Variants in SPATA13 observed in about 807,000 individuals in gnomAD.
SPATA13 encodes spermatogenesis associated 13.
In SPATA13, 50 loss-of-function variants were observed where a neutral mutation model predicts 104.0. That is an observed-to-expected ratio of 0.48 (90% CI 0.38 to 0.61). The LOEUF is 0.61. SPATA13 is among the 20% of genes least tolerant of loss of function. SPATA13 has a pLI of 0.00. For missense variants in SPATA13, 1,524 were observed against 1,690.6 expected (o/e 0.90, Z 1.73); for synonymous variants, 606 against 667.5 (o/e 0.91, Z 1.42).
chr13:24,001,750 T>G (rs964211978), intron 2 of SPATA13, among the ~76,000 whole-genome samples: 2 of 151,316 alleles, frequency 1.3e-5, no homozygotes, highest in African/African-American at 4.9e-5. Flanking sequence ...GAGAACCTGA[T>G]GGGTTGAAGA....
chr13:24,122,491 C>A (rs1205473193), intron 3 of SPATA13: 17 of 1,607,814 alleles, frequency 1.1e-5, no homozygotes, highest in Non-Finnish European at 1.4e-5. Context: ...ATATTCTTGC[C>A]CATCTTCATC....
chr13:24,136,058 C>A (rs1881554489), intron 3 of SPATA13, among the ~76,000 whole-genome samples: 1 of 152,192 alleles, frequency 6.6e-6, no homozygotes, highest in Non-Finnish European at 1.5e-5. Context: ...AGAATTTGCT[C>A]AGAGAGCATG....
At chr13:24,058,324 T>A (rs1405095234) in intron 3 of SPATA13, among the ~76,000 whole-genome samples, 1 of 151,858 alleles carries the variant, frequency 6.6e-6, no homozygotes, top group Non-Finnish European at 1.5e-5. Context: ...CCTGATTCAG[T>A]CACTGTTTAA....
chr13:24,290,876 G>A lies in SPATA13; in HGVS notation c.3072G>A (p.Gln1024=). The A allele has an allele frequency of 1.2e-6, 2 of 1,613,870 alleles. No individual in the cohort carries two copies. Among genetic ancestry groups the A allele is most frequent in the South Asian group, 1.1e-5 (1 of 91,064 alleles). The change falls in exon 9 of 13, where the codon CAG becomes CAA. Residue 1024 remains glutamine (Q), a synonymous_variant. Transcript: ENST00000382108. ...QLAELLKYTT[Q]EHGDYSNIKA... ...CCGAGCTGCTCAAGTATACCACACA[G>A]GAACACGGGTGAGGGGCATGGGTAA...
At chr13:24,207,713 G>A (rs1165000282) in intron 1 of SPATA13, among the ~76,000 whole-genome samples, 1 of 152,192 alleles carries the variant, frequency 6.6e-6, no homozygotes, top group East Asian at 1.9e-4. Context: ...GATAAACTAT[G>A]CAACTGTAAA....
chr13:24,048,068 C>T (rs903400239), intron 3 of SPATA13, among the ~76,000 whole-genome samples: 2 of 152,216 alleles, frequency 1.3e-5, no homozygotes, highest in African/African-American at 2.4e-5. Flanking sequence ...GATTGGCCAA[C>T]GCCTCCCACA....
intron 2 of SPATA13, among the ~76,000 whole-genome samples, chr13:24,008,761 C>T (rs1163101361): frequency 6.6e-6 from 1 of 152,094 alleles, no homozygotes; most frequent in African/African-American, 2.4e-5. Flanking sequence ...CCCTGTCCAC[C>T]CCCATGTACT....
upstream of SPATA13, among the ~76,000 whole-genome samples, chr13:24,158,868 G>A (rs1882344734): frequency 6.6e-6 from 1 of 152,188 alleles, no homozygotes; most frequent in Non-Finnish European, 1.5e-5. Context: ...CCTCAAGGAT[G>A]CGGGGGTCTT....
Position 24,259,804 on chromosome 13 carries a change from G to GTAT in SPATA13, c.2164+7956_2164+7958dup, listed in dbSNP as rs1377477034. On this transcript the variant is annotated intron_variant, in intron 4 of 12. Transcript: ENST00000382108. ...TTTCTGAATTGGATTTTATTTTATT[G>GTAT]TATTATTATTATTATTTTAGATTTT... Among the ~76,000 whole-genome samples the GTAT allele has an allele frequency of 3.3e-5, 5 of 152,062 alleles. No homozygotes were observed. The East Asian group carries it at 9.7e-4, about 29-fold the overall frequency.
chr13:24,302,443 C>CAG (rs1877252776), intron 12 of SPATA13, 155 bp from the exon 13 acceptor site: 1 of 551,724 alleles, frequency 1.8e-6, no homozygotes, highest in Non-Finnish European at 2.9e-6. Flanking sequence ...GCCTGGGTGA[C>CAG]AGTAAGACCC....
At chr13:24,141,640 T>G (rs1413770887) in intron 3 of SPATA13, among the ~76,000 whole-genome samples, 1 of 152,156 alleles carries the variant, frequency 6.6e-6, no homozygotes, top group Non-Finnish European at 1.5e-5. Flanking sequence ...AGGGCACGAG[T>G]CATGTTCATC....
chr13:24,078,628 C>G (rs1424814382), intron 3 of SPATA13, among the ~76,000 whole-genome samples: 1 of 152,196 alleles, frequency 6.6e-6, no homozygotes, highest in Non-Finnish European at 1.5e-5. Context: ...TGTTGTTACT[C>G]TCAGTCTAGA....
At chr13:24,267,120 A>T (rs1438022727) in intron 4 of SPATA13, among the ~76,000 whole-genome samples, 1 of 152,058 alleles carries the variant, frequency 6.6e-6, no homozygotes. Flanking sequence ...CTTCTTCCAA[A>T]ACTATCTTAG....
At chr13:24,299,674 G>A (rs1877044313) in intron 11 of SPATA13, among the ~76,000 whole-genome samples, 1 of 152,202 alleles carries the variant, frequency 6.6e-6, no homozygotes, top group African/African-American at 2.4e-5. Flanking sequence ...CAGGGCCTGG[G>A]TCAGCTCTGC....
intron 1 of SPATA13, among the ~76,000 whole-genome samples, chr13:24,207,404 T>C (rs1870763951): frequency 6.6e-6 from 1 of 152,188 alleles, no homozygotes; most frequent in South Asian, 2.1e-4. Flanking sequence ...AAATAAAATC[T>C]GTTCCAGTCC....
intron 1 of SPATA13, among the ~76,000 whole-genome samples, chr13:24,185,818 C>CAGAG (rs71070657): frequency 1.5e-4 from 22 of 149,188 alleles, no homozygotes; most frequent in African/African-American, 3.2e-4. Context: ...CATCAAGAGA[C>CAGAG]AGAGAGAGAG....
In SPATA13 at chr13:24,088,587, T is replaced by A. The variant is rs1388731931; in HGVS notation, c.-112+70886T>A. 3.9e-5 allele frequency among the ~76,000 whole-genome samples: 6 copies of A among 152,138 alleles called. No individual in the cohort carries two copies. Among genetic ancestry groups the A allele is most frequent in the Admixed American group, 3.9e-4 (6 of 15,278 alleles). Reference sequence around the variant, plus strand: ...GTGGCAACTGCACTCATTTTTAAAATGACATAATAAACACATCTCTTTAAC... The same window carrying A: ...GTGGCAACTGCACTCATTTTTAAAAAGACATAATAAACACATCTCTTTAAC... On this transcript the variant is annotated intron_variant, in intron 3 of 14. Coordinates refer to the SPATA13 transcript ENST00000424834. The surrounding 1 kb of genome is among the most constrained non-coding windows in gnomAD (Gnocchi z 4.3).
intron 1 of SPATA13, among the ~76,000 whole-genome samples, chr13:23,982,791 A>T (rs1456076982): frequency 6.6e-6 from 1 of 152,240 alleles, no homozygotes; most frequent in Non-Finnish European, 1.5e-5. Flanking sequence ...AGAAAGGAAG[A>T]GGTGCATCTT....
intron 1 of SPATA13, among the ~76,000 whole-genome samples, chr13:23,983,327 T>A (rs1032846028): frequency 6.6e-6 from 1 of 152,196 alleles, no homozygotes; most frequent in Non-Finnish European, 1.5e-5. Flanking sequence ...TGTGTCCTAA[T>A]CTCTGCTTAT....
Sources: allele counts gnomAD v4.1 joint callset (sites outside exome capture counted in the v4.1 genomes callset), GRCh38; gene constraint gnomAD v4.1.1; non-coding constraint Gnocchi (gnomAD v3.1); transcripts MANE v1.5; gene names NCBI Gene and HGNC (gene_info 2026-07-23, HGNC 2026-07-21).